KCTD14: variants seen among roughly 807,000 people sequenced by gnomAD.
KCTD14 encodes BTB/POZ domain-containing protein KCTD14.
A neutral mutation model predicts 5.9 loss-of-function variants in KCTD14; 7 were observed. The ratio of observed to expected loss-of-function variants is 1.19; its 90% CI spans 0.68 to 2.23. The LOEUF is 2.23. KCTD14 is among the 30% of genes most tolerant of loss of function. The pLI is 0.00. For missense variants in KCTD14, 342 were observed against 332.2 expected, an observed-to-expected ratio of 1.03 and a Z score of -0.23; for synonymous variants, 140 against 133.1, an observed-to-expected ratio of 1.05 and a Z score of -0.36.
At position 78,023,272 on chromosome 11, in the gene KCTD14, A is replaced by G; in HGVS notation, c.-23T>C. The G allele has an allele frequency of 1.2e-6, 2 of 1,606,904 alleles. No individual in the cohort carries two copies. The highest frequency in any genetic ancestry group is 1.7e-6 in the Non-Finnish European group (2 of 1,179,240). On this transcript the variant is annotated 5_prime_UTR_variant, in exon 1 of 2. Transcript: ENST00000353172. The stretch of plus-strand genomic sequence containing the variant: ...CATGCAGATCACTTGGGCCAGCGGA[A>G]GTGCCCCTGGCTGCCCGCCCCTAGG...
intron 2 of KCTD14, among the ~76,000 whole-genome samples, chr11:78,036,606 G>C (rs1184627305): frequency 1.3e-5 from 2 of 152,192 alleles, no homozygotes; most frequent in Non-Finnish European, 2.9e-5. Context: ...CCAAATGCCT[G>C]GCTCATTCTC....
rs1057258034 is a variant in KCTD14 at position 78,016,147 on chromosome 11, A to C, written c.*446T>G. 1.3e-4 allele frequency: 24 copies of C among 184,102 alleles called. No homozygotes were observed. The highest frequency in any genetic ancestry group is 5.7e-4 in the African/African-American group (24 of 41,968). The allele number at this position is 184,102 out of a possible 1,614,324, so 11.4% of individuals were successfully genotyped here. ...TGTTAGCACCCACAGCATCTCGCAA[A>C]GGGGATCAGGAAAGCACCTACTACA... On this transcript the variant is annotated 3_prime_UTR_variant, in exon 2 of 2. Transcript: ENST00000353172.
chr11:78,017,366 G>T, intron 1 of KCTD14, 96 bp from the exon 2 acceptor site: 1 of 1,422,128 alleles, frequency 7.0e-7, no homozygotes, highest in Non-Finnish European at 9.3e-7. Context: ...AAACTTAGGG[G>T]AGCCATAATG....
intron 1 of KCTD14, among the ~76,000 whole-genome samples, chr11:78,044,783 A>G: frequency 6.6e-6 from 1 of 152,140 alleles, no homozygotes; most frequent in East Asian, 1.9e-4. Flanking sequence ...AGTAAAGTAC[A>G]CTTGGAAGAG....
At chr11:78,017,335 T>C in intron 1 of KCTD14, 65 bp from the exon 2 acceptor site, 6 of 1,502,060 alleles carry the variant, frequency 4.0e-6, no homozygotes, top group Non-Finnish European at 5.3e-6. Context: ...CTTATTTTTA[T>C]CCAAAGGATA....
chr11:78,021,839 C>T (rs1474315522), intron 1 of KCTD14, among the ~76,000 whole-genome samples: 1 of 152,180 alleles, frequency 6.6e-6, no homozygotes, highest in Non-Finnish European at 1.5e-5. Flanking sequence ...AGGCCCTTTG[C>T]AACTAGGCTG....
At chr11:78,039,344 C>T (rs1456426286) in intron 1 of KCTD14, among the ~76,000 whole-genome samples, 2 of 150,584 alleles carry the variant, frequency 1.3e-5, no homozygotes, top group East Asian at 2.0e-4. Flanking sequence ...TGGAGAGATC[C>T]CATCTCTACA....
Position 78,017,095 on chromosome 11 carries a change from A to G in KCTD14, c.266T>C (p.Ile89Thr). 1 of 1,614,220 alleles carries G rather than the reference A, an allele frequency of 6.2e-7. No individual in the cohort carries two copies. Among genetic ancestry groups the G allele is most frequent in the Non-Finnish European group, 8.5e-7 (1 of 1,180,040 alleles). ...IDRPSTYFRP[I>T]LDYLRTGQVP... is the part of the protein sequence containing the mutation. ...TTGCCCAGTGCGCAGGTAGTCCAGG[A>G]TGGGTCTGAAATAGGTGCTGGGGCG... The change falls in exon 2 of 2, where the codon ATC becomes ACC. Residue 89 changes from isoleucine (I) to threonine (T), a missense_variant. Transcript: ENST00000353172.
chr11:78,034,127 T>C (rs1228316545), intron 2 of KCTD14, among the ~76,000 whole-genome samples: 1 of 151,830 alleles, frequency 6.6e-6, no homozygotes, highest in Non-Finnish European at 1.5e-5. Flanking sequence ...CTTTTATTTA[T>C]TTATTTTTTT....
chr11:78,033,901 G>GTGTGTGTATATATATATATATATATATA, intron 2 of KCTD14, among the ~76,000 whole-genome samples: 22 of 115,574 alleles, frequency 1.9e-4, no homozygotes, highest in African/African-American at 6.6e-4. Flanking sequence ...GTGTGTGTGT[G>GTGTGTGTATATATATATATATATATATA]TATATATATA....
intron 1 of KCTD14, among the ~76,000 whole-genome samples, chr11:78,020,969 A>G (rs1565309912): frequency 1.3e-5 from 2 of 152,194 alleles, no homozygotes; most frequent in African/African-American, 2.4e-5. Context: ...AACAGATCCA[A>G]TCACATCAAA....
chr11:78,023,266 A>C lies in KCTD14; in HGVS notation c.-17T>G. On this transcript the variant is annotated 5_prime_UTR_variant, in exon 1 of 2. Transcript: ENST00000353172. ...CTGCCACATGCAGATCACTTGGGCC[A>C]GCGGAAGTGCCCCTGGCTGCCCGCC... 2 of 1,607,986 alleles carry C rather than the reference A, an allele frequency of 1.2e-6. No individual in the cohort carries two copies. Among genetic ancestry groups the C allele is most frequent in the Non-Finnish European group, 1.7e-6 (2 of 1,179,494 alleles).
chr11:78,032,725 G>C (rs1202478526), intron 2 of KCTD14, among the ~76,000 whole-genome samples: 1 of 115,426 alleles, frequency 8.7e-6, no homozygotes, highest in Non-Finnish European at 1.7e-5. Context: ...TTTTTTTTGA[G>C]ACAGCATCTC....
rs527256210 is a variant in KCTD14 at position 78,039,370 on chromosome 11, A to T, written c.-95-612T>A. Among the ~76,000 whole-genome samples, 1,487 of 149,896 alleles carry T rather than the reference A, an allele frequency of 9.9e-3. 21 individuals are homozygous for T. Among genetic ancestry groups the T allele is most frequent in the African/African-American group, 0.018 (728 of 40,874 alleles). On this transcript the variant is annotated intron_variant, in intron 1 of 2. Transcript: ENST00000533144. ...CATCTCTACAAAAAATACAAAAAAAATAAATAAAATTAGCCAGGTGTGGTG... is the reference window on the plus strand; with the variant it reads ...CATCTCTACAAAAAATACAAAAAAATTAAATAAAATTAGCCAGGTGTGGTG...
chr11:78,027,126 A>T (rs1857489461), upstream of KCTD14, among the ~76,000 whole-genome samples: 1 of 152,058 alleles, frequency 6.6e-6, no homozygotes, highest in African/African-American at 2.4e-5. Flanking sequence ...TAATTAAAAT[A>T]TAATAAAAAT....
chr11:78,038,317 C>T (rs1302387557), intron 2 of KCTD14, among the ~76,000 whole-genome samples: 1 of 152,228 alleles, frequency 6.6e-6, no homozygotes, highest in Admixed American at 6.5e-5. Context: ...GAGGTTCTCG[C>T]ATCCTCTCCC....
intron 2 of KCTD14, among the ~76,000 whole-genome samples, chr11:78,033,894 T>TGTGTGC (rs1857708643): frequency 8.6e-6 from 1 of 116,800 alleles, no homozygotes; most frequent in Admixed American, 9.0e-5. Flanking sequence ...TGTGTATGTG[T>TGTGTGC]GTGTGTGTAT....
At chr11:78,021,840 A>T (rs1857318804) in intron 1 of KCTD14, among the ~76,000 whole-genome samples, 1 of 152,160 alleles carries the variant, frequency 6.6e-6, no homozygotes, top group Non-Finnish European at 1.5e-5. Flanking sequence ...GGCCCTTTGC[A>T]ACTAGGCTGC....
At chr11:78,043,457 G>C (rs1308461042) in intron 1 of KCTD14, among the ~76,000 whole-genome samples, 1 of 152,130 alleles carries the variant, frequency 6.6e-6, no homozygotes, top group Non-Finnish European at 1.5e-5. Context: ...TGTGCTTTTC[G>C]TATGAAACAA....
Sources: allele counts gnomAD v4.1 joint callset (sites outside exome capture counted in the v4.1 genomes callset), GRCh38; gene constraint gnomAD v4.1.1; transcripts MANE v1.5; gene names NCBI Gene and HGNC (gene_info 2026-07-23, HGNC 2026-07-21).